Variants in ADAM19 observed in about 807,000 individuals in gnomAD.
ADAM19 encodes disintegrin and metalloproteinase domain-containing protein 19.
ADAM19 carries 65 observed loss-of-function variants against 114.7 expected under a neutral mutation model. That is an observed-to-expected ratio of 0.57 (90% confidence interval 0.46 to 0.70). The LOEUF (loss-of-function observed/expected upper bound fraction) is 0.70, where lower values mean the gene tolerates loss of function less well. ADAM19 is among the 30% of genes least tolerant of loss of function. The pLI is 0.00. For missense variants in ADAM19, 1,063 were observed against 1,204.7 expected (o/e 0.88, Z 1.74); for synonymous variants, 466 against 460.5 (o/e 1.01, Z -0.15).
At chr5:157,555,395 A>G (rs1378123676) in intron 3 of ADAM19, among the ~76,000 whole-genome samples, 1 of 152,346 alleles carries the variant, frequency 6.6e-6, no homozygotes. Flanking sequence ...CTAAGGGCAG[A>G]CAGAGCATCA....
At chr5:157,538,586 C>T (rs755967500) in intron 3 of ADAM19, among the ~76,000 whole-genome samples, 1 of 152,186 alleles carries the variant, frequency 6.6e-6, no homozygotes, top group Non-Finnish European at 1.5e-5. Context: ...CCTAAGCTTC[C>T]GTTGCCTGCC....
chr5:157,499,479 T>G, intron 13 of ADAM19, 94 bp downstream of exon 13: 1 of 1,076,746 alleles, frequency 9.3e-7, no homozygotes. Context: ...AGCCCCAGGA[T>G]GGAGGCAAAT....
rs11465264 is a variant in ADAM19, at chr5:157,565,402, C to T, written c.181-959G>A. ...GGCAACTCTCTGAAAGATAACATGA[C>T]AGTATGCACTGAGAGTTTAAAAATG... On this transcript the variant is annotated intron_variant, in intron 2 of 22. Transcript: ENST00000257527. Among the ~76,000 whole-genome samples the T allele has an allele frequency of 3.4e-3, 524 of 152,268 alleles. 3 individuals are homozygous for T. Among genetic ancestry groups the T allele is most frequent in the Middle Eastern group, 0.014 (4 of 294 alleles).
At chr5:157,524,395 G>A (rs958638656) in intron 5 of ADAM19, among the ~76,000 whole-genome samples, 5 of 152,272 alleles carry the variant, frequency 3.3e-5, no homozygotes, top group South Asian at 2.1e-4. Context: ...AGGAAAACCC[G>A]GGCAGGCCAG....
intron 2 of ADAM19, among the ~76,000 whole-genome samples, chr5:157,569,950 T>A (rs1048708912): frequency 6.6e-6 from 1 of 152,144 alleles, no homozygotes; most frequent in Admixed American, 6.6e-5. Context: ...CTCTTTCACG[T>A]CTCACTTGCT....
chr5:157,555,225 T>C (rs1259823001), intron 3 of ADAM19, among the ~76,000 whole-genome samples: 1 of 152,200 alleles, frequency 6.6e-6, no homozygotes, highest in East Asian at 1.9e-4. Flanking sequence ...AGGGCTAATA[T>C]AGGAATCTAC....
intron 1 of ADAM19, among the ~76,000 whole-genome samples, chr5:157,574,287 G>C (rs1387394998): frequency 3.3e-5 from 5 of 152,172 alleles, no homozygotes; most frequent in Non-Finnish European, 7.3e-5. Flanking sequence ...TCAAAACTCA[G>C]AGAAGGCGCC....
At chr5:157,572,498 T>C (rs1007728364) in intron 1 of ADAM19, among the ~76,000 whole-genome samples, 15 of 152,186 alleles carry the variant, frequency 9.9e-5, no homozygotes, top group African/African-American at 3.1e-4. Context: ...ATATGAATGA[T>C]AAAAAGATGG....
In ADAM19 at chr5:157,479,271, C is replaced by T; in HGVS notation, c.*1678G>A. 8.1e-6 allele frequency: 8 copies of T among 985,876 alleles called. No individual in the cohort carries two copies. The highest frequency in any genetic ancestry group is 9.6e-6 in the Non-Finnish European group (8 of 829,966). 61.1% of individuals were successfully genotyped at this position (985,876 alleles called of 1,614,324 possible). A position where few individuals can be genotyped will look rare whatever the true frequency, so the allele number is the denominator to read the frequency against. On this transcript the variant is annotated 3_prime_UTR_variant, in exon 23 of 23. Transcript: ENST00000257527. ...CCGTATTTTCCACTTATTTCCAAAC[C>T]CAAGAACATCCAAGAAGCACCTATT... is the stretch of plus-strand genomic sequence containing the variant.
Position 157,509,409 on chromosome 5 carries a change from C to T in ADAM19, c.797G>A (p.Gly266Glu). 1 of 1,613,292 alleles carries T rather than the reference C, an allele frequency of 6.2e-7. No homozygotes were observed. The highest frequency in any genetic ancestry group is 8.5e-7 in the Non-Finnish European group (1 of 1,179,632). Residue 266 changes from glycine to glutamate, a missense_variant, in exon 9 of 23, where the codon GGG becomes GAG. Gly to Glu is a moderately conservative substitution (Grantham distance 98). Coordinates refer to ENST00000257527, the MANE Select transcript of ADAM19 (RefSeq NM_033274.5). ...ATTCTCTGAAACTTCACACATGTTC[C>T]CGTGGGTCCACACTTCCAAGCCCAC... ...ALVGLEVWTH[G>E]NMCEVSENPY...
chr5:157,486,944 G>C (rs1754954000), intron 21 of ADAM19, among the ~76,000 whole-genome samples: 1 of 152,138 alleles, frequency 6.6e-6, no homozygotes, highest in Admixed American at 6.5e-5. Context: ...GAGTTGGACA[G>C]GCAGACACCA....
intron 5 of ADAM19, 144 bp downstream of exon 5, chr5:157,530,663 C>T: frequency 1.6e-6 from 1 of 642,892 alleles, no homozygotes; most frequent in East Asian, 2.8e-5. Flanking sequence ...TGCCCATCCT[C>T]CCAGGCTCAG....
intron 8 of ADAM19, 59 bp from the exon 9 acceptor site, chr5:157,509,526 C>G: frequency 7.7e-7 from 1 of 1,296,132 alleles, no homozygotes; most frequent in Non-Finnish European, 1.0e-6. Flanking sequence ...TTAAAAGCCC[C>G]TTCCTTTCAT....
intron 3 of ADAM19, among the ~76,000 whole-genome samples, chr5:157,560,264 CAAAAAAAAA>C (rs35731498): frequency 1.5e-4 from 8 of 51,714 alleles, no homozygotes; most frequent in East Asian, 1.1e-3. Context: ...GACTCCGTCT[CAAAAAAAAA>C]AAAAAAAAAA....
intron 7 of ADAM19, among the ~76,000 whole-genome samples, chr5:157,515,084 C>T (rs1275365844): frequency 6.6e-6 from 1 of 152,156 alleles, no homozygotes; most frequent in Non-Finnish European, 1.5e-5. Flanking sequence ...TCCCTTTCAC[C>T]ACAGCTTGTG....
Position 157,481,886 on chromosome 5 carries a change from G to A in ADAM19, c.2608C>T (p.Arg870Cys), listed in dbSNP as rs774730214. The A allele has an allele frequency of 2.7e-5, 44 of 1,601,876 alleles. No individual in the cohort carries two copies. The Admixed American group carries it at 4.3e-4, about 16-fold the overall frequency. The change falls in exon 22 of 23, where the codon CGC (arginine) becomes TGC (cysteine). Residue 870 changes from arginine (R) to cysteine (C), a missense_variant. Coordinates refer to ENST00000257527, the MANE Select transcript of ADAM19 (RefSeq NM_033274.5). ...CCTCCTGGCCTGGGGAGGCTCCTGC[G>A]GCCTGGCACTGGGTTTGCCGGGAGT... ...KALPANPVPGRRSLPRPGGAS... is the reference protein window; with the variant it reads ...KALPANPVPGCRSLPRPGGAS...
At chr5:157,494,210 G>C (rs542328343) in intron 15 of ADAM19, among the ~76,000 whole-genome samples, 1 of 151,866 alleles carries the variant, frequency 6.6e-6, no homozygotes, top group South Asian at 2.1e-4. Flanking sequence ...GTGGGTGGTG[G>C]AGGATGGATA....
chr5:157,554,085 A>G (rs1757279017), intron 3 of ADAM19, among the ~76,000 whole-genome samples: 1 of 152,230 alleles, frequency 6.6e-6, no homozygotes, highest in Non-Finnish European at 1.5e-5. Flanking sequence ...ATATAAATAT[A>G]CATAGGGATT....
chr5:157,561,135 A>G (rs1561557600), intron 3 of ADAM19, among the ~76,000 whole-genome samples: 1 of 152,236 alleles, frequency 6.6e-6, no homozygotes, highest in Non-Finnish European at 1.5e-5. Context: ...CTCAATAGAG[A>G]AAAGAATGTG....
Sources: gnomAD v4.1 joint callset for allele counts (sites outside exome capture counted in the v4.1 genomes callset) on GRCh38, gnomAD v4.1.1 for gene constraint, MANE v1.5 for transcripts, NCBI Gene and HGNC (gene_info 2026-07-23, HGNC 2026-07-21) for gene names.